BMPR1B: variants seen among roughly 807,000 people sequenced by gnomAD.
BMPR1B encodes the protein bone morphogenetic protein receptor type 1B.
Under a neutral mutation model 59.1 loss-of-function variants are expected in BMPR1B, and 12 were observed. The observed-to-expected ratio is 0.20, with a 90% CI of 0.13 to 0.33. The LOEUF is 0.33. BMPR1B is among the 10% of genes least tolerant of loss of function. The pLI, the probability that BMPR1B is intolerant of heterozygous loss-of-function variation, is 1.00. For synonymous variants in BMPR1B, 237 were observed against 207.3 expected, an observed-to-expected ratio of 1.14 and a Z score of -1.23; for missense variants, 550 against 610.9, an observed-to-expected ratio of 0.90 and a Z score of 1.05.
At chr4:95,086,552 C>T in intron 3 of BMPR1B, among the ~76,000 whole-genome samples, 1 of 152,046 alleles carries the variant, frequency 6.6e-6, no homozygotes, top group East Asian at 1.9e-4. Context: ...GTTGTATTGT[C>T]AGTGAAACAG....
chr4:94,972,477 C>A (rs1730845461), intron 2 of BMPR1B, among the ~76,000 whole-genome samples: 1 of 151,690 alleles, frequency 6.6e-6, no homozygotes, highest in East Asian at 1.9e-4. Context: ...GTGTACATAC[C>A]CATACATGTT....
intron 3 of BMPR1B, among the ~76,000 whole-genome samples, chr4:95,069,228 TA>T (rs1728088996): frequency 6.6e-6 from 1 of 152,194 alleles, no homozygotes; most frequent in South Asian, 2.1e-4. Context: ...GCCTTCATTA[TA>T]ACAACAATCT....
chr4:94,834,715 C>G (rs1724733350), intron 1 of BMPR1B, among the ~76,000 whole-genome samples: 1 of 152,122 alleles, frequency 6.6e-6, no homozygotes, highest in African/African-American at 2.4e-5. Flanking sequence ...TTTACACTTT[C>G]TGGATCACTG....
Position 95,157,154 on chromosome 4 carries a change from A to G in BMPR1B, c.*2481A>G, listed in dbSNP as rs902207910. 6.6e-6 allele frequency: 1 copy of G among 152,136 alleles called. No homozygotes were observed. Among genetic ancestry groups the G allele is most frequent in the Non-Finnish European group, 1.5e-5 (1 of 67,990 alleles). 9.4% of individuals were successfully genotyped at this position (152,136 alleles called of 1,614,324 possible). On this transcript the variant is annotated 3_prime_UTR_variant, in exon 13 of 13. Coordinates refer to ENST00000515059, the MANE Select transcript of BMPR1B (RefSeq NM_001203.3). ...ATAGTCTTCAAACTTCTTCCTTATT[A>G]TATTTGGTTGCTTTGGAAAAGATTG...
At chr4:95,074,700 C>T (rs533476725) in intron 3 of BMPR1B, among the ~76,000 whole-genome samples, 90 of 151,872 alleles carry the variant, frequency 5.9e-4, no homozygotes, top group Non-Finnish European at 1.2e-3. Context: ...TGAAAAATTG[C>T]TAAAGTAAAC....
chr4:94,862,748 A>T (rs1053306903), intron 1 of BMPR1B, among the ~76,000 whole-genome samples: 6 of 151,676 alleles, frequency 4.0e-5, no homozygotes, highest in Non-Finnish European at 7.4e-5. Context: ...GATCGAGACC[A>T]TCCTGGCTAA....
intron 1 of BMPR1B, among the ~76,000 whole-genome samples, chr4:94,795,447 C>G (rs1241158253): frequency 6.8e-6 from 1 of 147,986 alleles, no homozygotes; most frequent in Non-Finnish European, 1.5e-5. Flanking sequence ...TTTTTTTTTT[C>G]AAAACTAGTT....
intron 8 of BMPR1B, 28 bp from the exon 9 acceptor site, chr4:95,129,834 A>G (rs1733185286): frequency 1.9e-6 from 3 of 1,608,654 alleles, no homozygotes; most frequent in East Asian, 2.2e-5. Context: ...CTGTGAATAC[A>G]CTAACAGTGT....
chr4:94,869,059 A>G (rs1233304600), intron 1 of BMPR1B, among the ~76,000 whole-genome samples: 3 of 151,158 alleles, frequency 2.0e-5, no homozygotes, highest in Non-Finnish European at 4.4e-5. Context: ...TTTAAAATTA[A>G]ACTCCATGAT....
chr4:94,777,102 CT>C (rs1560479547), intron 1 of BMPR1B, among the ~76,000 whole-genome samples: 1 of 152,034 alleles, frequency 6.6e-6, no homozygotes. Flanking sequence ...CAGTGAACAT[CT>C]TTATGAATAG....
At chr4:95,119,609 A>G (rs1396270859) in intron 6 of BMPR1B, among the ~76,000 whole-genome samples, 5 of 152,164 alleles carry the variant, frequency 3.3e-5, no homozygotes, top group African/African-American at 1.2e-4. Flanking sequence ...TACAAGTGCT[A>G]TAATATGTCA....
At position 95,110,674 on chromosome 4, in the gene BMPR1B, G is replaced by A. The variant is rs1261417641; in HGVS notation, c.144-4046G>A. On this transcript the variant is annotated intron_variant, in intron 4 of 12. Transcript: ENST00000515059. ...CTTCACAATCAGTAGAAAACACTTA[G>A]GCAGCTTATGATGTCTGTCCCTATT... Among the ~76,000 whole-genome samples, 2 of 152,110 alleles carry A rather than the reference G, an allele frequency of 1.3e-5. 1 individual carries two copies. Among genetic ancestry groups the A allele is most frequent in the South Asian group, 4.1e-4 (2 of 4,828 alleles).
intron 2 of BMPR1B, among the ~76,000 whole-genome samples, chr4:94,970,326 T>TCTCTA (rs1730739505): frequency 9.3e-6 from 1 of 107,514 alleles, no homozygotes; most frequent in African/African-American, 3.6e-5. Context: ...CTTTCTCTCT[T>TCTCTA]TTTCTCTTTC....
intron 2 of BMPR1B, among the ~76,000 whole-genome samples, chr4:94,966,646 C>A (rs1449203244): frequency 6.6e-6 from 1 of 152,196 alleles, no homozygotes; most frequent in Non-Finnish European, 1.5e-5. Flanking sequence ...TGTGGAAAAT[C>A]TTCCAGTAAC....
chr4:95,070,354 A>G (rs1187912627), intron 3 of BMPR1B, among the ~76,000 whole-genome samples: 1 of 152,178 alleles, frequency 6.6e-6, no homozygotes, highest in East Asian at 1.9e-4. Flanking sequence ...TAGCGAATAT[A>G]AGAGCAGAAG....
intron 3 of BMPR1B, among the ~76,000 whole-genome samples, chr4:95,076,797 C>G (rs1019068176): frequency 1.3e-5 from 2 of 151,906 alleles, no homozygotes; most frequent in Non-Finnish European, 1.5e-5. Flanking sequence ...AAAAGAAACA[C>G]AATCAGAATT....
intron 1 of BMPR1B, among the ~76,000 whole-genome samples, chr4:94,841,776 C>T (rs1297566185): frequency 6.6e-6 from 1 of 152,176 alleles, no homozygotes; most frequent in African/African-American, 2.4e-5. Flanking sequence ...GCCATCTTGG[C>T]TCCTCCCCCA....
At chr4:95,121,210 T>A (rs560267019) in intron 6 of BMPR1B, among the ~76,000 whole-genome samples, 1 of 152,144 alleles carries the variant, frequency 6.6e-6, no homozygotes. Context: ...TACATAGGAA[T>A]ACAGCTAACC....
intron 6 of BMPR1B, 119 bp downstream of exon 6, chr4:95,115,906 C>G (rs1278759414): frequency 1.1e-6 from 1 of 901,364 alleles, no homozygotes; most frequent in African/African-American, 1.6e-5. Flanking sequence ...GAGCAGAGCA[C>G]TGAGGCCAGA....
Sources: gnomAD v4.1 joint callset for allele counts (sites outside exome capture counted in the v4.1 genomes callset) on GRCh38, gnomAD v4.1.1 for gene constraint, MANE v1.5 for transcripts, NCBI Gene and HGNC (gene_info 2026-07-23, HGNC 2026-07-21) for gene names.